The following TBC1D22A variants were observed in gnomAD, a reference collection of about 807,000 sequenced individuals.
TBC1D22A encodes putative GTPase activator.
A neutral mutation model predicts 60.2 loss-of-function variants in TBC1D22A; 38 were observed. That is an observed-to-expected ratio of 0.63 (90% CI 0.49 to 0.83). The LOEUF (loss-of-function observed/expected upper bound fraction) is 0.83. Among genes scored for constraint, TBC1D22A ranks in the 40% least tolerant of loss-of-function variants. The pLI, the probability that TBC1D22A is intolerant of heterozygous loss-of-function variation, is 0.00. For synonymous variants in TBC1D22A, 302 were observed against 281.7 expected (o/e 1.07, Z -0.72); for missense variants, 628 against 701.0 (o/e 0.90, Z 1.18).
intron 11 of TBC1D22A, among the ~76,000 whole-genome samples, chr22:47,045,040 G>C (rs2148423228): frequency 6.6e-6 from 1 of 152,366 alleles, no homozygotes; most frequent in South Asian, 2.1e-4. Context: ...ACCCCTGTCA[G>C]CCTCCATGGC....
chr22:46,844,160 A>T (rs2086892410), intron 4 of TBC1D22A, among the ~76,000 whole-genome samples: 1 of 150,466 alleles, frequency 6.6e-6, no homozygotes, highest in South Asian at 2.1e-4. Context: ...GTCCAAGCAC[A>T]TTCTTATCAA....
At chr22:46,912,522 T>TTCAG (rs56673915) in intron 8 of TBC1D22A, among the ~76,000 whole-genome samples, 14,657 of 152,176 alleles carry the variant, frequency 0.096, 1,420 homozygotes, top group African/African-American at 0.25. Context: ...CGATCAGTCA[T>TTCAG]TCAGTCAATC....
Position 47,167,968 on chromosome 22 carries a change from A to G in TBC1D22A, c.1426-5530A>G, listed in dbSNP as rs575019232. 4.9e-3 allele frequency among the ~76,000 whole-genome samples: 750 copies of G among 151,734 alleles called. 7 individuals are homozygous for G. Among genetic ancestry groups the G allele is most frequent in the African/African-American group, 0.017 (712 of 41,016 alleles). On this transcript the variant is annotated intron_variant, in intron 12 of 12. Coordinates refer to ENST00000337137, the MANE Select transcript of TBC1D22A (RefSeq NM_014346.5). ...AACTTGTCTGTCTCCTGTTGCTATC[A>G]CTATTATTATCCCATTTTACAGATG...
chr22:47,051,236 T>C (rs920140309), intron 11 of TBC1D22A, among the ~76,000 whole-genome samples: 2 of 152,174 alleles, frequency 1.3e-5, no homozygotes, highest in Non-Finnish European at 1.5e-5. Context: ...TGTCTCTAAA[T>C]ACGTAAACCC....
intron 4 of TBC1D22A, among the ~76,000 whole-genome samples, chr22:46,851,827 T>G (rs76333313): frequency 6.6e-6 from 1 of 151,980 alleles, no homozygotes; most frequent in East Asian, 1.9e-4. Context: ...GGCAGTTGGG[T>G]TTTAGGCTCT....
At chr22:47,002,400 T>A (rs2061434838) in intron 10 of TBC1D22A, among the ~76,000 whole-genome samples, 1 of 152,252 alleles carries the variant, frequency 6.6e-6, no homozygotes, top group South Asian at 2.1e-4. Context: ...TCAGAGCCCC[T>A]CTGTGTGAAT....
At chr22:46,909,303 C>CACACAG (rs2069724161) in intron 7 of TBC1D22A, among the ~76,000 whole-genome samples, 1 of 152,018 alleles carries the variant, frequency 6.6e-6, no homozygotes, top group South Asian at 2.1e-4. Flanking sequence ...CATACACACA[C>CACACAG]ACACACACAC....
chr22:47,038,743 G>C (rs191173575), intron 11 of TBC1D22A, among the ~76,000 whole-genome samples: 289 of 152,306 alleles, frequency 1.9e-3, no homozygotes, highest in African/African-American at 6.6e-3. Flanking sequence ...CTGGTCTAAT[G>C]ATCTCACTAC....
chr22:46,878,324 A>AGGGAGAGAAGGAGGTGGGAGGGG (rs2067666829), intron 4 of TBC1D22A, among the ~76,000 whole-genome samples: 2 of 10,526 alleles, frequency 1.9e-4, no homozygotes, highest in Non-Finnish European at 3.9e-4. Flanking sequence ...GGTGGGAGGG[A>AGGGAGAGAAGGAGGTGGGAGGGG]GAGAGAGAAG....
Position 46,782,597 on chromosome 22 carries a change from A to G in TBC1D22A, c.63-9923A>G, listed in dbSNP as rs539577964. 1.7e-3 allele frequency among the ~76,000 whole-genome samples: 257 copies of G among 152,304 alleles called. 2 individuals carry two copies. The South Asian group carries it at 0.031, about 18-fold the overall frequency. On this transcript the variant is annotated intron_variant, in intron 1 of 12. Transcript: ENST00000337137. ...CTACAGTCAGTTTTAGAAAAATTTC[A>G]TCACCACAGAGAGCAACGCTGTACC...
At chr22:47,085,999 A>C (rs1251966691) in intron 11 of TBC1D22A, among the ~76,000 whole-genome samples, 2 of 152,248 alleles carry the variant, frequency 1.3e-5, no homozygotes. Context: ...CCATGTGCTT[A>C]GATTAAGCAT....
At chr22:47,156,665 C>T (rs531859424) in intron 12 of TBC1D22A, among the ~76,000 whole-genome samples, 1 of 152,272 alleles carries the variant, frequency 6.6e-6, no homozygotes, top group Admixed American at 6.5e-5. Context: ...TTCTCCTGTC[C>T]ACTCCTGGGG....
At chr22:47,096,089 C>T (rs1342549664) in intron 11 of TBC1D22A, among the ~76,000 whole-genome samples, 1 of 152,102 alleles carries the variant, frequency 6.6e-6, no homozygotes, top group East Asian at 1.9e-4. Flanking sequence ...CTAATGAATG[C>T]CTTTGAACTT....
intron 5 of TBC1D22A, among the ~76,000 whole-genome samples, chr22:46,879,932 A>T (rs131873): frequency 6.6e-6 from 1 of 151,976 alleles, no homozygotes; most frequent in Non-Finnish European, 1.5e-5. Context: ...GGACACTCTG[A>T]TTTCAGTAGA....
At chr22:46,880,621 G>T (rs1482238004) in intron 5 of TBC1D22A, among the ~76,000 whole-genome samples, 2 of 152,140 alleles carry the variant, frequency 1.3e-5, no homozygotes, top group Non-Finnish European at 2.9e-5. Flanking sequence ...GGACAGTGGT[G>T]GTGGAGGCCA....
chr22:46,770,899 C>T (rs562379453), intron 1 of TBC1D22A, among the ~76,000 whole-genome samples: 1 of 152,310 alleles, frequency 6.6e-6, no homozygotes, highest in South Asian at 2.1e-4. Context: ...TGTTCCCCGC[C>T]AGTTGGGTTT....
At chr22:46,797,951 A>G (rs2084730167) in intron 4 of TBC1D22A, among the ~76,000 whole-genome samples, 1 of 152,194 alleles carries the variant, frequency 6.6e-6, no homozygotes, top group African/African-American at 2.4e-5. Flanking sequence ...AGCTCACTGC[A>G]ACCTGGAATT....
intron 4 of TBC1D22A, among the ~76,000 whole-genome samples, chr22:46,803,684 G>A (rs1308710720): frequency 3.3e-5 from 5 of 152,228 alleles, no homozygotes; most frequent in East Asian, 3.9e-4. Flanking sequence ...AGAGAATAAC[G>A]TGAGGGACGA....
intron 12 of TBC1D22A, among the ~76,000 whole-genome samples, chr22:47,113,162 CCTGGTAGGACGGTGCCCAG>C (rs1174871747): frequency 1.3e-5 from 2 of 152,218 alleles, no homozygotes; most frequent in Non-Finnish European, 2.9e-5. Flanking sequence ...AGCGGCCACT[CCTGGTAGGACGGTGCCCAG>C]AGTGCTTGGT....
Sources: allele counts gnomAD v4.1 joint callset (sites outside exome capture counted in the v4.1 genomes callset), GRCh38; gene constraint gnomAD v4.1.1; transcripts MANE v1.5; gene names NCBI Gene and HGNC (gene_info 2026-07-23, HGNC 2026-07-21).